Variants in KYAT1 observed in about 807,000 individuals in gnomAD.
KYAT1 encodes the protein kynurenine--oxoglutarate transaminase 1.
In KYAT1, 47 loss-of-function variants were observed where a neutral mutation model predicts 52.4. That is an observed-to-expected ratio of 0.90 (90% CI 0.71 to 1.14). The LOEUF (loss-of-function observed/expected upper bound fraction) is 1.14, where lower values mean the gene tolerates loss of function less well. KYAT1 is among the 50% of genes most tolerant of loss of function. The probability of loss-of-function intolerance (pLI) is 0.00; values close to 1 mark genes in which losing one functional copy is unlikely to be tolerated. For missense variants in KYAT1, 480 were observed against 557.9 expected (o/e 0.86, Z 1.41); for synonymous variants, 212 against 209.6 (o/e 1.01, Z -0.10).
chr9:128,846,639 T>A (rs1240934380), intron 1 of KYAT1: 1 of 1,085,252 alleles, frequency 9.2e-7, no homozygotes, highest in East Asian at 2.9e-5. Context: ...AGAAAGAAAT[T>A]GGCCAGACCT....
chr9:128,836,652 G>A (rs896399487), intron 7 of KYAT1, 150 bp downstream of exon 7: 3 of 858,730 alleles, frequency 3.5e-6, no homozygotes, highest in African/African-American at 3.4e-5. Context: ...GTGCTACTGT[G>A]ACACTGTGTA....
chr9:128,851,037 G>C (rs762649555), intron 1 of KYAT1, among the ~76,000 whole-genome samples: 1 of 152,146 alleles, frequency 6.6e-6, no homozygotes, highest in African/African-American at 2.4e-5. Flanking sequence ...TCCTCTTGCT[G>C]AGATAATAAA....
At chr9:128,850,893 T>C (rs1180118436) in intron 1 of KYAT1, among the ~76,000 whole-genome samples, 1 of 152,164 alleles carries the variant, frequency 6.6e-6, no homozygotes, top group Non-Finnish European at 1.5e-5. Context: ...GATGTTTGGG[T>C]GGAGAGAAAC....
chr9:128,834,662 A>C (rs1269385350), intron 11 of KYAT1, among the ~76,000 whole-genome samples: 1 of 151,730 alleles, frequency 6.6e-6, no homozygotes, highest in Non-Finnish European at 1.5e-5. Flanking sequence ...CGTCTCTACT[A>C]AAAATACAAA....
At chr9:128,878,373 G>A (rs755586205) in intron 1 of KYAT1, among the ~76,000 whole-genome samples, 12 of 152,056 alleles carry the variant, frequency 7.9e-5, no homozygotes, top group Non-Finnish European at 1.5e-4. Flanking sequence ...GAGCTCAAGC[G>A]ATAGTCCCAC....
chr9:128,865,348 TATATATA>T (rs1836184135), intron 1 of KYAT1, among the ~76,000 whole-genome samples: 2 of 3,760 alleles, frequency 5.3e-4, no homozygotes, highest in African/African-American at 1.1e-3. Flanking sequence ...TATATATATA[TATATATA>T]TATATTTTTT....
Position 128,835,668 on chromosome 9 carries a change from C to A in KYAT1, c.856-1G>T. ...GTTCAAAGCTCTCGGCTACTGCAGC[C>A]TGGGCAGGGCAGATGGACACACAGA... On this transcript the variant is annotated splice_acceptor_variant, in intron 9 of 12. Coordinates refer to ENST00000302586, the MANE Select transcript of KYAT1 (RefSeq NM_004059.5). LOFTEE classifies it high-confidence loss of function. 6.2e-7 allele frequency: 1 copy of A among 1,609,274 alleles called. No homozygotes were observed. The highest frequency in any genetic ancestry group is 8.5e-7 in the Non-Finnish European group (1 of 1,179,408).
intron 1 of KYAT1, 147 bp from the exon 2 acceptor site, chr9:128,845,558 C>G (rs1373140123): frequency 4.2e-6 from 3 of 715,504 alleles, no homozygotes; most frequent in African/African-American, 3.5e-5. Context: ...TGCAGAAGGG[C>G]AGGTTTCTGC....
chr9:128,871,551 A>C (rs532067489), intron 1 of KYAT1, among the ~76,000 whole-genome samples: 1 of 152,080 alleles, frequency 6.6e-6, no homozygotes, highest in South Asian at 2.1e-4. Flanking sequence ...TCTACAAATA[A>C]TTTTTTAAAA....
At chr9:128,858,395 T>TAAGAAAA (rs1834970224) in intron 1 of KYAT1, among the ~76,000 whole-genome samples, 1 of 65,102 alleles carries the variant, frequency 1.5e-5, no homozygotes, top group African/African-American at 8.4e-5. Flanking sequence ...AGACCATGTA[T>TAAGAAAA]AAAAAAAAAA....
chr9:128,871,830 T>G (rs184918603), intron 1 of KYAT1, among the ~76,000 whole-genome samples: 33 of 152,252 alleles, frequency 2.2e-4, no homozygotes, highest in Non-Finnish European at 4.1e-4. Context: ...TGTGGCATTA[T>G]AAAAATGACC....
At chr9:128,853,015 A>G (rs1834139343) in intron 1 of KYAT1, among the ~76,000 whole-genome samples, 2 of 152,280 alleles carry the variant, frequency 1.3e-5, no homozygotes, top group African/African-American at 4.8e-5. Flanking sequence ...GATCTTGCAG[A>G]GTGGTCATTC....
chr9:128,841,470 G>A (rs904204510), intron 3 of KYAT1, among the ~76,000 whole-genome samples: 2 of 151,822 alleles, frequency 1.3e-5, no homozygotes, highest in Non-Finnish European at 1.5e-5. Flanking sequence ...GCAGTGAGCC[G>A]AGATCGTGCC....
At chr9:128,838,458 G>T in intron 3 of KYAT1, 91 bp from the exon 4 acceptor site, 1 of 1,503,286 alleles carries the variant, frequency 6.7e-7, no homozygotes, top group Non-Finnish European at 9.1e-7. Context: ...CCTTCCAGCA[G>T]CAGGCCTGGG....
chr9:128,849,306 G>A (rs1833574550), intron 1 of KYAT1, among the ~76,000 whole-genome samples: 1 of 150,838 alleles, frequency 6.6e-6, no homozygotes, highest in South Asian at 2.1e-4. Context: ...AGCTACCCAG[G>A]AGGCTGAGGC....
At chr9:128,844,737 C>T (rs560990510) in intron 2 of KYAT1, among the ~76,000 whole-genome samples, 28 of 151,566 alleles carry the variant, frequency 1.8e-4, no homozygotes, top group African/African-American at 4.8e-4. Context: ...TTGTGTTGCA[C>T]GCCTGTAATC....
chr9:128,859,138 G>A (rs1008757340), intron 1 of KYAT1, among the ~76,000 whole-genome samples: 5 of 152,070 alleles, frequency 3.3e-5, no homozygotes, highest in South Asian at 2.1e-4. Flanking sequence ...CAAGGCAGGC[G>A]GATCACGAGG....
At chr9:128,842,223 TC>T (rs1832323906) in intron 3 of KYAT1, 1 of 194,014 alleles carries the variant, frequency 5.2e-6, no homozygotes, top group African/African-American at 2.4e-5. Context: ...GAACCACTGT[TC>T]TAATCCAAGC....
chr9:128,843,284 C>G (rs577989745), intron 2 of KYAT1, among the ~76,000 whole-genome samples: 1 of 152,306 alleles, frequency 6.6e-6, no homozygotes, highest in East Asian at 1.9e-4. Context: ...AGCTGGTCCC[C>G]TACATTGAGA....
Sources: gnomAD v4.1 joint callset for allele counts (sites outside exome capture counted in the v4.1 genomes callset) on GRCh38, gnomAD v4.1.1 for gene constraint, MANE v1.5 for transcripts, NCBI Gene and HGNC (gene_info 2026-07-23, HGNC 2026-07-21) for gene names.